Variants in HOMER2 observed in about 807,000 individuals in gnomAD.
HOMER2 encodes homer protein homolog 2.
HOMER2 carries 27 observed loss-of-function variants against 47.0 expected under a neutral mutation model. That is an observed-to-expected ratio of 0.57 (90% confidence interval 0.42 to 0.79). The LOEUF (loss-of-function observed/expected upper bound fraction) is 0.79, where lower values mean the gene tolerates loss of function less well. Ranked by LOEUF, HOMER2 falls within the 30% of genes least tolerant of loss-of-function variation. The pLI is 0.00. For missense variants in HOMER2, 443 were observed against 435.0 expected (o/e 1.02, Z -0.16); for synonymous variants, 161 against 163.8 (o/e 0.98, Z 0.13).
At chr15:82,857,308 T>C (rs2151616780) in intron 5 of HOMER2, among the ~76,000 whole-genome samples, 1 of 152,202 alleles carries the variant, frequency 6.6e-6, no homozygotes, top group South Asian at 2.1e-4. Flanking sequence ...TGCCTTAATC[T>C]TGGACTTTCT....
intron 1 of HOMER2, among the ~76,000 whole-genome samples, chr15:82,903,934 C>T (rs1238682247): frequency 1.3e-5 from 2 of 152,070 alleles, no homozygotes; most frequent in Admixed American, 6.6e-5. Flanking sequence ...GCCAGGAGTT[C>T]GAGACCAGGC....
At chr15:82,869,553 G>A (rs564714357) in intron 3 of HOMER2, among the ~76,000 whole-genome samples, 2 of 135,416 alleles carry the variant, frequency 1.5e-5, no homozygotes, top group Admixed American at 8.7e-5. Flanking sequence ...TGCCTCCCGC[G>A]TTCAAGTGAT....
intron 2 of HOMER2, among the ~76,000 whole-genome samples, chr15:82,881,510 A>T (rs1460017422): frequency 6.6e-6 from 1 of 152,166 alleles, no homozygotes; most frequent in East Asian, 1.9e-4. Context: ...TAAAAATTTA[A>T]AACAACAACA....
chr15:82,923,120 C>A (rs886672587), intron 1 of HOMER2, among the ~76,000 whole-genome samples: 1 of 152,148 alleles, frequency 6.6e-6, no homozygotes, highest in African/African-American at 2.4e-5. Context: ...GTGTTCCCCC[C>A]AAATTGGGCT....
At chr15:82,968,342 G>A (rs1344115562) in intron 1 of HOMER2, among the ~76,000 whole-genome samples, 1 of 152,180 alleles carries the variant, frequency 6.6e-6, no homozygotes, top group Non-Finnish European at 1.5e-5. Flanking sequence ...CTAGCCCTTG[G>A]CTACCACTAA....
chr15:82,851,345 G>A lies in HOMER2; in HGVS notation c.763-114C>T, dbSNP rs41310972. On this transcript the variant is annotated intron_variant, in intron 7 of 8. Transcript: ENST00000450735. ...GCAGCTTTGGGACCCTGTCCTGTTT[G>A]CATAGACAGTGATAGTGACCATGCG... The A allele has an allele frequency of 2.4e-4, 170 of 708,660 alleles. No homozygotes were observed. In the East Asian group the frequency reaches 4.3e-3, roughly 18 times the overall value. The allele number at this position is 708,660 out of a possible 1,614,324, so 43.9% of individuals were successfully genotyped here.
At position 82,849,532 on chromosome 15, in the gene HOMER2, G is replaced by A. The variant is rs2051318282; in HGVS notation, c.*183C>T. ...TTCCAGTTGTCCACAACCTCACAAGGCCAGAGAAGCGAGAGGAGATTTCTA... is the reference window on the plus strand; with the variant it reads ...TTCCAGTTGTCCACAACCTCACAAGACCAGAGAAGCGAGAGGAGATTTCTA... On this transcript the variant is annotated 3_prime_UTR_variant, in exon 9 of 9. Transcript: ENST00000450735. 1.7e-6 allele frequency: 1 copy of A among 595,052 alleles called. No homozygotes were observed. The highest frequency in any genetic ancestry group is 3.0e-6 in the Non-Finnish European group (1 of 338,792). The allele number at this position is 595,052 out of a possible 1,614,324, so 36.9% of individuals were successfully genotyped here.
Position 82,910,132 on chromosome 15 carries a change from C to CAAAAAA in HOMER2, c.6-17297_6-17292dup, listed in dbSNP as rs35191408. Among the ~76,000 whole-genome samples the CAAAAAA allele has an allele frequency of 4.1e-4, 9 of 22,130 alleles. 1 individual carries two copies. Among genetic ancestry groups the CAAAAAA allele is most frequent in the African/African-American group, 9.7e-4 (8 of 8,224 alleles). The allele number at this position is 22,130 out of a possible 152,430, so 14.5% of individuals were successfully genotyped here. ...TGGGTAACAGAGCAAGATTCTGTCTCAAAAAAAAAAAAAAAAAAAAAAAAA... is the reference window on the plus strand; with the variant it reads ...TGGGTAACAGAGCAAGATTCTGTCTCAAAAAAAAAAAAAAAAAAAAAAAAAAAAAAA... On this transcript the variant is annotated intron_variant, in intron 1 of 8. Coordinates refer to ENST00000450735, the MANE Select transcript of HOMER2 (RefSeq NM_004839.4).
intron 6 of HOMER2, chr15:82,852,776 TA>T (rs1230843894): frequency 6.5e-6 from 1 of 152,696 alleles, no homozygotes; most frequent in Non-Finnish European, 1.5e-5. Context: ...TCGAATATTA[TA>T]AATCAAGGTG....
At chr15:82,900,583 A>G (rs2053083129) in intron 1 of HOMER2, among the ~76,000 whole-genome samples, 1 of 152,262 alleles carries the variant, frequency 6.6e-6, no homozygotes, top group South Asian at 2.1e-4. Context: ...AAGTTATAGC[A>G]AACAAGGCAG....
intron 2 of HOMER2, among the ~76,000 whole-genome samples, chr15:82,877,563 C>T (rs1382539846): frequency 3.9e-5 from 6 of 152,170 alleles, no homozygotes; most frequent in Non-Finnish European, 5.9e-5. Context: ...TGTCTGACTC[C>T]AAGACTTGTC....
At chr15:82,977,471 T>G (rs1448235677) in intron 1 of HOMER2, among the ~76,000 whole-genome samples, 1 of 152,248 alleles carries the variant, frequency 6.6e-6, no homozygotes, top group African/African-American at 2.4e-5. Flanking sequence ...GTTGTGACCA[T>G]CTGCTCAGAG....
downstream of HOMER2, chr15:82,844,763 ACT>A (rs1596295615): frequency 2.0e-5 from 3 of 152,286 alleles, no homozygotes; most frequent in East Asian, 5.8e-4. Context: ...TTCTCATTAA[ACT>A]CTTATATTTG....
chr15:82,963,250 A>G (rs76700133), intron 1 of HOMER2, among the ~76,000 whole-genome samples: 1 of 151,770 alleles, frequency 6.6e-6, no homozygotes. Flanking sequence ...AAGCCTAGCT[A>G]ATTTTTTTTT....
chr15:82,976,269 A>G (rs2030197301), intron 1 of HOMER2, among the ~76,000 whole-genome samples: 1 of 151,854 alleles, frequency 6.6e-6, no homozygotes, highest in Non-Finnish European at 1.5e-5. Flanking sequence ...CCTGCATCCC[A>G]TTAGATTATC....
Position 82,875,403 on chromosome 15 carries a change from A to G in HOMER2, c.164T>C (p.Val55Ala). 6.2e-7 allele frequency: 1 copy of G among 1,613,718 alleles called. No homozygotes were observed. The highest frequency in any genetic ancestry group is 8.5e-7 in the Non-Finnish European group (1 of 1,179,754). The change falls in exon 3 of 9, where the codon GTG becomes GCG. Residue 55 changes from valine (V) to alanine (A), a missense_variant and splice_region_variant. Val to Ala is a moderately conservative substitution (Grantham distance 64, BLOSUM62 0). Transcript: ENST00000450735. ...YRIISVDGAK[V>A]IINSTITPNM... The stretch of plus-strand genomic sequence containing the variant: ...CGGTGTGATTGTGCTGTTTATGATC[A>G]CCTGCAGAAAAACAGCCCAAAGAGT...
chr15:82,858,847 T>C (rs993887073), intron 5 of HOMER2, among the ~76,000 whole-genome samples, 182 bp downstream of exon 5: 1 of 152,168 alleles, frequency 6.6e-6, no homozygotes, highest in Non-Finnish European at 1.5e-5. Context: ...GATGCTGATG[T>C]GGTTGGCCAG....
chr15:82,964,360 G>C (rs2054655662), intron 1 of HOMER2, among the ~76,000 whole-genome samples: 3 of 152,224 alleles, frequency 2.0e-5, no homozygotes, highest in Non-Finnish European at 4.4e-5. Flanking sequence ...AAAACAGGCT[G>C]GTGAATGCCA....
At chr15:82,961,331 G>A (rs760858041) in intron 1 of HOMER2, among the ~76,000 whole-genome samples, 3 of 152,224 alleles carry the variant, frequency 2.0e-5, no homozygotes, top group Non-Finnish European at 4.4e-5. Context: ...CTTCCCGTGC[G>A]CAGGTTGGGG....
Sources: allele counts gnomAD v4.1 joint callset (sites outside exome capture counted in the v4.1 genomes callset), GRCh38; gene constraint gnomAD v4.1.1; transcripts MANE v1.5; gene names NCBI Gene and HGNC (gene_info 2026-07-23, HGNC 2026-07-21).